NOS1AP: variants seen among roughly 807,000 people sequenced by gnomAD.
NOS1AP encodes carboxyl-terminal PDZ ligand of neuronal nitric oxide synthase protein.
In NOS1AP, 21 loss-of-function variants were observed where a neutral mutation model predicts 56.2. The ratio of observed to expected loss-of-function variants is 0.37; its 90% CI spans 0.26 to 0.54. The LOEUF is 0.54. Ranked by LOEUF, NOS1AP falls within the 20% of genes least tolerant of loss-of-function variation. The pLI is 0.84. For missense variants in NOS1AP, 522 were observed against 657.8 expected, an observed-to-expected ratio of 0.79 and a Z score of 2.26; for synonymous variants, 270 against 274.6, an observed-to-expected ratio of 0.98 and a Z score of 0.17.
At chr1:162,364,439 A>T (rs1658002268) in intron 8 of NOS1AP, 1 of 985,384 alleles carries the variant, frequency 1.0e-6, no homozygotes, top group Non-Finnish European at 1.2e-6. Context: ...TGGCCTTCTA[A>T]CTCAGTTTCT....
intron 1 of NOS1AP, among the ~76,000 whole-genome samples, chr1:162,111,191 G>A (rs1460326028): frequency 2.0e-5 from 3 of 152,188 alleles, no homozygotes; most frequent in Admixed American, 2.0e-4. Flanking sequence ...GGCCTTTGGG[G>A]GCTTGTCTGA....
At chr1:162,343,720 A>T (rs1657182525) in intron 5 of NOS1AP, 115 bp from the exon 6 acceptor site, 4 of 1,172,110 alleles carry the variant, frequency 3.4e-6, no homozygotes, top group Non-Finnish European at 5.1e-6. Context: ...TTGTATGTGC[A>T]TATCTGAACA....
chr1:162,181,131 C>T (rs549571504), intron 2 of NOS1AP, among the ~76,000 whole-genome samples: 68 of 152,292 alleles, frequency 4.5e-4, no homozygotes, highest in African/African-American at 1.4e-3. Flanking sequence ...TGGAGAACTG[C>T]TCAAACAACT....
intron 4 of NOS1AP, among the ~76,000 whole-genome samples, chr1:162,319,079 C>T (rs1034190356): frequency 1.2e-4 from 18 of 152,174 alleles, no homozygotes; most frequent in African/African-American, 3.1e-4. Flanking sequence ...TGCTGTGCAT[C>T]GCTCCAGGTG....
At chr1:162,154,611 C>T in intron 2 of NOS1AP, 135 bp downstream of exon 2, 1 of 688,384 alleles carries the variant, frequency 1.5e-6, no homozygotes, top group East Asian at 2.7e-5. Context: ...TCTGTACCCT[C>T]TAGGTAGCTG....
intron 2 of NOS1AP, among the ~76,000 whole-genome samples, chr1:162,254,354 G>A (rs541910492): frequency 6.6e-6 from 1 of 152,304 alleles, no homozygotes; most frequent in Non-Finnish European, 1.5e-5. Flanking sequence ...TGTTGGATGG[G>A]ACTGACATGA....
At chr1:162,119,819 G>T (rs1648129635) in intron 1 of NOS1AP, among the ~76,000 whole-genome samples, 1 of 152,188 alleles carries the variant, frequency 6.6e-6, no homozygotes, top group African/African-American at 2.4e-5. Context: ...ATTTACAGAG[G>T]CACTTGGAAT....
chr1:162,122,075 G>T (rs1047131135), intron 1 of NOS1AP, among the ~76,000 whole-genome samples: 1 of 152,156 alleles, frequency 6.6e-6, no homozygotes, highest in Non-Finnish European at 1.5e-5. Flanking sequence ...TAATTTCAAG[G>T]AATATTTAAG....
chr1:162,323,897 G>A (rs542706750), intron 4 of NOS1AP, among the ~76,000 whole-genome samples: 2 of 152,348 alleles, frequency 1.3e-5, no homozygotes, highest in East Asian at 3.8e-4. Context: ...AGTGGACAAG[G>A]AAGGGTGCGA....
intron 1 of NOS1AP, among the ~76,000 whole-genome samples, chr1:162,140,720 C>T (rs1649198333): frequency 6.6e-6 from 1 of 152,150 alleles, no homozygotes; most frequent in African/African-American, 2.4e-5. Flanking sequence ...TGAGAAATCT[C>T]CAGACTTCTC....
At chr1:162,077,814 A>G (rs1263405658) in intron 1 of NOS1AP, among the ~76,000 whole-genome samples, 1 of 151,472 alleles carries the variant, frequency 6.6e-6, no homozygotes, top group Non-Finnish European at 1.5e-5. Context: ...TTTAATTAAC[A>G]TGTTGTCTTT....
chr1:162,316,001 C>G (rs1316921306), intron 4 of NOS1AP, among the ~76,000 whole-genome samples: 1 of 152,040 alleles, frequency 6.6e-6, no homozygotes, highest in Non-Finnish European at 1.5e-5. Context: ...CAATAGGGCT[C>G]AATACGTATT....
At chr1:162,210,870 A>G (rs1334430648) in intron 2 of NOS1AP, among the ~76,000 whole-genome samples, 2 of 152,210 alleles carry the variant, frequency 1.3e-5, no homozygotes, top group Admixed American at 6.5e-5. Flanking sequence ...AGTATGGCCC[A>G]GCGACTGAAC....
chr1:162,155,279 C>T (rs1315020313), intron 2 of NOS1AP, among the ~76,000 whole-genome samples: 7 of 136,606 alleles, frequency 5.1e-5, no homozygotes, highest in East Asian at 2.1e-4. Context: ...CATACATATA[C>T]ACATATATAC....
intron 2 of NOS1AP, among the ~76,000 whole-genome samples, chr1:162,155,289 CAT>C (rs1649907416): frequency 2.8e-5 from 4 of 142,016 alleles, no homozygotes; most frequent in African/African-American, 7.7e-5. Context: ...CACATATATA[CAT>C]ATATATGTAT....
At chr1:162,317,322 T>A (rs1344889244) in intron 4 of NOS1AP, 1 of 152,228 alleles carries the variant, frequency 6.6e-6, no homozygotes, top group Non-Finnish European at 1.5e-5. Flanking sequence ...ACTCAAACAC[T>A]GTTAAAAATA....
At chr1:162,209,063 A>G (rs1045292947) in intron 2 of NOS1AP, among the ~76,000 whole-genome samples, 2 of 152,226 alleles carry the variant, frequency 1.3e-5, no homozygotes, top group African/African-American at 4.8e-5. Flanking sequence ...CCTTTTTCAG[A>G]TTACTCTCAA....
chr1:162,246,171 G>T (rs1653655803), intron 2 of NOS1AP, among the ~76,000 whole-genome samples: 1 of 152,198 alleles, frequency 6.6e-6, no homozygotes, highest in Admixed American at 6.5e-5. Context: ...ATGTGGGTTG[G>T]TTGAGACTTG....
At chr1:162,139,379 A>G (rs1389714305) in intron 1 of NOS1AP, among the ~76,000 whole-genome samples, 1 of 152,204 alleles carries the variant, frequency 6.6e-6, no homozygotes, top group Non-Finnish European at 1.5e-5. Context: ...TCCAGATACA[A>G]GCCTAGACAC....
Sources: gnomAD v4.1 joint callset for allele counts (sites outside exome capture counted in the v4.1 genomes callset) on GRCh38, gnomAD v4.1.1 for gene constraint, MANE v1.5 for transcripts, NCBI Gene and HGNC (gene_info 2026-07-23, HGNC 2026-07-21) for gene names.